Variants in SAMD5 observed in about 807,000 individuals in gnomAD.
SAMD5 encodes sterile alpha motif domain containing 5, also known as sterile alpha motif domain-containing protein 5.
SAMD5 carries 13 observed loss-of-function variants against 11.3 expected under a neutral mutation model. The observed-to-expected ratio is 1.15, with a 90% CI of 0.75 to 1.83. The LOEUF (loss-of-function observed/expected upper bound fraction) is 1.83, where lower values mean the gene tolerates loss of function less well. SAMD5 is among the 40% of genes most tolerant of loss of function. SAMD5 has a pLI of 0.00. For synonymous variants in SAMD5, 129 were observed against 111.3 expected (o/e 1.16, Z -1.00); for missense variants, 255 against 239.1 (o/e 1.07, Z -0.44).
chr6:147,642,230 C>T (rs909812566), intron 1 of SAMD5, among the ~76,000 whole-genome samples: 9 of 152,182 alleles, frequency 5.9e-5, no homozygotes, highest in Admixed American at 3.3e-4. Context: ...CTCTTTCTTA[C>T]TTTAAAAATT....
At chr6:147,814,967 C>T in the SAMD5 span, among the ~76,000 whole-genome samples, 1 of 152,182 alleles carries the variant, frequency 6.6e-6, no homozygotes, top group East Asian at 1.9e-4. Context: ...AGGACAGGTA[C>T]CAGATCTAAG....
intron 1 of SAMD5, among the ~76,000 whole-genome samples, chr6:147,630,717 T>G (rs985117866): frequency 7.2e-5 from 11 of 152,166 alleles, no homozygotes; most frequent in Non-Finnish European, 1.6e-4. Context: ...ACACAAAGCC[T>G]GTTTGGTGGT....
At chr6:147,920,915 G>T in the SAMD5 span, among the ~76,000 whole-genome samples, 1 of 152,158 alleles carries the variant, frequency 6.6e-6, no homozygotes, top group Non-Finnish European at 1.5e-5. Flanking sequence ...ATTACCCATA[G>T]CTATGATATC....
chr6:147,762,670 C>T, the SAMD5 span, among the ~76,000 whole-genome samples: 1 of 152,174 alleles, frequency 6.6e-6, no homozygotes, highest in African/African-American at 2.4e-5. Context: ...TACATGATAT[C>T]CCTGAGCCTC....
At chr6:147,826,281 A>G in the SAMD5 span, among the ~76,000 whole-genome samples, 42 of 152,202 alleles carry the variant, frequency 2.8e-4, no homozygotes, top group Non-Finnish European at 5.0e-4. Flanking sequence ...AGGAAATTAG[A>G]GCAATTTTTA....
chr6:147,803,256 A>G, the SAMD5 span, among the ~76,000 whole-genome samples: 1 of 151,782 alleles, frequency 6.6e-6, no homozygotes, highest in African/African-American at 2.4e-5. Context: ...TGATTCTCAC[A>G]CAAACCTTTG....
chr6:147,843,901 A>T, the SAMD5 span, among the ~76,000 whole-genome samples: 6 of 152,184 alleles, frequency 3.9e-5, no homozygotes, highest in African/African-American at 1.4e-4. Context: ...TGCAAGAAAC[A>T]TAGGGGAAAA....
At chr6:147,580,496 C>T (rs1789281301) in intron 1 of SAMD5, among the ~76,000 whole-genome samples, 1 of 152,164 alleles carries the variant, frequency 6.6e-6, no homozygotes, top group South Asian at 2.1e-4. Flanking sequence ...TCTAGACTAG[C>T]ACTGTCAAAT....
the SAMD5 span, among the ~76,000 whole-genome samples, chr6:147,804,473 T>C: frequency 6.6e-6 from 1 of 152,148 alleles, no homozygotes; most frequent in African/African-American, 2.4e-5. Context: ...GTCCTCCCCA[T>C]CTTTGCTGTT....
intron 1 of SAMD5, among the ~76,000 whole-genome samples, chr6:147,617,480 G>A (rs1377296843): frequency 6.6e-6 from 1 of 152,190 alleles, no homozygotes; most frequent in Non-Finnish European, 1.5e-5. Flanking sequence ...CTTCACAAAT[G>A]TGGCATACTC....
intron 1 of SAMD5, among the ~76,000 whole-genome samples, chr6:147,621,828 T>C (rs1789973287): frequency 6.6e-6 from 1 of 152,094 alleles, no homozygotes; most frequent in South Asian, 2.1e-4. Context: ...CAGCTAGAGT[T>C]CTGATGTTAT....
intron 1 of SAMD5, among the ~76,000 whole-genome samples, chr6:147,510,424 T>C (rs957569843): frequency 1.3e-5 from 2 of 152,236 alleles, no homozygotes; most frequent in South Asian, 2.1e-4. Context: ...TGCACAGGAA[T>C]ATGAGCACCT....
At chr6:147,804,534 T>C in the SAMD5 span, among the ~76,000 whole-genome samples, 7 of 152,230 alleles carry the variant, frequency 4.6e-5, no homozygotes, top group Non-Finnish European at 8.8e-5. Flanking sequence ...GCTTGTTTAA[T>C]AAATGAATGT....
chr6:147,866,281 T>C, the SAMD5 span, among the ~76,000 whole-genome samples: 4 of 152,204 alleles, frequency 2.6e-5, no homozygotes, highest in East Asian at 1.9e-4. Flanking sequence ...GTTTCTTGAA[T>C]TGCCATTGCT....
chr6:147,645,066 T>G (rs1790376970), intron 1 of SAMD5, among the ~76,000 whole-genome samples: 1 of 152,154 alleles, frequency 6.6e-6, no homozygotes, highest in South Asian at 2.1e-4. Context: ...GGATGCCCGC[T>G]TCTTAAGATG....
At chr6:147,744,052 T>C in the SAMD5 span, among the ~76,000 whole-genome samples, 1 of 152,232 alleles carries the variant, frequency 6.6e-6, no homozygotes, top group African/African-American at 2.4e-5. Flanking sequence ...ACGTAACTAA[T>C]GTATGGAATA....
At chr6:147,769,622 A>C in the SAMD5 span, among the ~76,000 whole-genome samples, 1 of 152,196 alleles carries the variant, frequency 6.6e-6, no homozygotes. Context: ...TAACCTTTTC[A>C]GGTTTATGTC....
At chr6:147,539,462 G>A (rs1437022888) in intron 1 of SAMD5, among the ~76,000 whole-genome samples, 1 of 152,124 alleles carries the variant, frequency 6.6e-6, no homozygotes, top group Non-Finnish European at 1.5e-5. Context: ...ATAATGCGAA[G>A]TAATTTCTGA....
At chr6:147,766,728 T>A in the SAMD5 span, among the ~76,000 whole-genome samples, 3 of 151,986 alleles carry the variant, frequency 2.0e-5, no homozygotes, top group Admixed American at 6.6e-5. Flanking sequence ...GAAATCAAGG[T>A]CCTGACAGAA....
Sources: allele counts gnomAD v4.1 joint callset (sites outside exome capture counted in the v4.1 genomes callset), GRCh38; gene constraint gnomAD v4.1.1; transcripts MANE v1.5; gene names NCBI Gene and HGNC (gene_info 2026-07-23, HGNC 2026-07-21).